SLC75A1: variants seen among roughly 807,000 people sequenced by gnomAD.
SLC75A1 encodes major facilitator superfamily domain containing 10.
the SLC75A1 span, chr4:2,932,957 T>TC: frequency 6.9e-6 from 7 of 1,018,938 alleles, no homozygotes; most frequent in African/African-American, 1.6e-5. Context: ...GAGCCACTGG[T>TC]CCCCCGAGAA....
the SLC75A1 span, chr4:2,932,544 A>G: frequency 1.2e-6 from 2 of 1,612,806 alleles, no homozygotes; most frequent in Non-Finnish European, 1.7e-6. Flanking sequence ...CTGCACAGGG[A>G]GACCCAGGCC....
At chr4:2,933,202 A>T in the SLC75A1 span, 1 of 1,613,730 alleles carries the variant, frequency 6.2e-7, no homozygotes, top group Non-Finnish European at 8.5e-7. Context: ...ATGCCGAGCC[A>T]ATGAGACCTG....
the SLC75A1 span, chr4:2,931,655 T>TGCTGTAG: frequency 6.2e-7 from 1 of 1,612,818 alleles, no homozygotes; most frequent in Non-Finnish European, 8.5e-7. Context: ...CATCTTCCCC[T>TGCTGTAG]GCTGTAGGCT....
At chr4:2,932,886 G>T in the SLC75A1 span, 4 of 1,258,258 alleles carry the variant, frequency 3.2e-6, no homozygotes, top group Non-Finnish European at 4.3e-6. Context: ...AGGGCCACTT[G>T]CGTTCTCAGT....
the SLC75A1 span, chr4:2,931,759 G>A: frequency 8.6e-5 from 133 of 1,540,542 alleles, no homozygotes; most frequent in Non-Finnish European, 1.2e-4. Flanking sequence ...GGGGATGGGG[G>A]TTGCTTCCCT....
the SLC75A1 span, chr4:2,931,903 T>C: frequency 1.1e-5 from 17 of 1,610,682 alleles, no homozygotes; most frequent in Admixed American, 1.7e-5. Context: ...GTAGAGGAAG[T>C]AGACTAGGCC....
chr4:2,932,483 G>T, the SLC75A1 span: 1 of 1,613,708 alleles, frequency 6.2e-7, no homozygotes, highest in Non-Finnish European at 8.5e-7. Flanking sequence ...CCAGGGTGAA[G>T]CCCAGTGAGA....
the SLC75A1 span, chr4:2,930,646 G>T: frequency 1.6e-6 from 1 of 618,852 alleles, no homozygotes; most frequent in Non-Finnish European, 2.9e-6. Flanking sequence ...TGACAGCCTT[G>T]GAGTGCTGCA....
the SLC75A1 span, chr4:2,933,149 G>T: frequency 6.2e-7 from 1 of 1,613,714 alleles, no homozygotes; most frequent in Non-Finnish European, 8.5e-7. Flanking sequence ...GCAGTCAGAG[G>T]TGGCCCCAGT....
the SLC75A1 span, chr4:2,934,005 C>A: frequency 5.6e-6 from 8 of 1,419,688 alleles, no homozygotes; most frequent in African/African-American, 8.5e-5. Context: ...GCCTGGCATA[C>A]CCCCACACCC....
At chr4:2,931,676 G>GTGTT in the SLC75A1 span, 1 of 1,609,486 alleles carries the variant, frequency 6.2e-7, no homozygotes, top group Non-Finnish European at 8.5e-7. Flanking sequence ...GGGAGCGGGT[G>GTGTT]TGTTAGTGCA....
At chr4:2,932,795 G>A in the SLC75A1 span, 25 of 1,530,610 alleles carry the variant, frequency 1.6e-5, no homozygotes, top group East Asian at 2.3e-5. Context: ...AGGGGCGGTC[G>A]CTTAAGGCCA....
At chr4:2,933,396 G>A in the SLC75A1 span, among the ~76,000 whole-genome samples, 86 of 152,316 alleles carry the variant, frequency 5.6e-4, no homozygotes, top group African/African-American at 1.9e-3. Context: ...CGTGACACGC[G>A]GAGGCAAGGG....
chr4:2,931,977 G>C, the SLC75A1 span: 2 of 1,602,828 alleles, frequency 1.2e-6, no homozygotes, highest in East Asian at 2.2e-5. Context: ...GACCACAGCA[G>C]GGAAGGGCGC....
At chr4:2,933,809 A>G in the SLC75A1 span, 1 of 1,590,800 alleles carries the variant, frequency 6.3e-7, no homozygotes, top group East Asian at 2.3e-5. Context: ...AGCAGCGTGA[A>G]GGCCAGGAGG....
chr4:2,932,989 G>A, the SLC75A1 span: 1 of 1,112,962 alleles, frequency 9.0e-7, no homozygotes, highest in South Asian at 1.5e-5. Context: ...ATGCGATGAG[G>A]GCCAACCAGT....
chr4:2,930,741 C>T, the SLC75A1 span: 3 of 1,406,094 alleles, frequency 2.1e-6, no homozygotes, highest in Non-Finnish European at 2.9e-6. Flanking sequence ...CACAGGGTCT[C>T]CCTGGACTGG....
At chr4:2,930,957 C>G in the SLC75A1 span, 2 of 1,612,876 alleles carry the variant, frequency 1.2e-6, no homozygotes, top group Non-Finnish European at 1.7e-6. Context: ...CAGTACACTG[C>G]GGAGAGACGG....
At chr4:2,934,185 G>A in the SLC75A1 span, 2 of 539,556 alleles carry the variant, frequency 3.7e-6, no homozygotes, top group Non-Finnish European at 6.7e-6. Context: ...GAGAGACCAG[G>A]GTGAGCACAT....
Sources: allele counts gnomAD v4.1 joint callset (sites outside exome capture counted in the v4.1 genomes callset), GRCh38; gene constraint gnomAD v4.1.1; transcripts MANE v1.5; gene names NCBI Gene and HGNC (gene_info 2026-07-23, HGNC 2026-07-21).